Variants in CATSPER4 observed in about 807,000 individuals in gnomAD.
CATSPER4 encodes the protein cation channel sperm-associated protein 4.
Under a neutral mutation model 54.4 loss-of-function variants are expected in CATSPER4, and 46 were observed. The ratio of observed to expected loss-of-function variants is 0.84; its 90% confidence interval spans 0.67 to 1.08. The LOEUF (loss-of-function observed/expected upper bound fraction) is 1.08. Ranked by LOEUF, CATSPER4 falls within the 50% of genes least tolerant of loss-of-function variation. CATSPER4 has a pLI of 0.00. For synonymous variants in CATSPER4, 230 were observed against 231.9 expected (o/e 0.99, Z 0.08); for missense variants, 574 against 612.8 (o/e 0.94, Z 0.67).
At chr1:26,196,328 T>C (rs1341079541) in intron 3 of CATSPER4, among the ~76,000 whole-genome samples, 2 of 151,594 alleles carry the variant, frequency 1.3e-5, no homozygotes, top group Non-Finnish European at 2.9e-5. Context: ...ATTCCATTGA[T>C]TTAATGGAAT....
intron 7 of CATSPER4, among the ~76,000 whole-genome samples, 191 bp from the exon 8 acceptor site, chr1:26,200,639 G>T (rs899254117): frequency 5.9e-5 from 9 of 151,850 alleles, no homozygotes; most frequent in South Asian, 2.1e-4. Flanking sequence ...TTAAAGAGGT[G>T]GGGGGAGGTC....
In CATSPER4 at chr1:26,201,132, A is replaced by C. The variant is rs1280177473; in HGVS notation, c.1199+91A>C. 24 of 1,167,628 alleles carry C rather than the reference A, an allele frequency of 2.1e-5. No homozygotes were observed. In the South Asian group the frequency reaches 3.0e-4, roughly 14 times the overall value. The allele number at this position is 1,167,628 out of a possible 1,614,324, so 72.3% of individuals were successfully genotyped here. ...TTCTGGCCTCACGCCCTCACCATTT[A>C]TAAGGCAGAGCCTGGGCCCCACAGA... is the stretch of plus-strand genomic sequence containing the variant. On this transcript the variant is annotated intron_variant, in intron 8 of 9. Transcript: ENST00000456354.
At position 26,197,770 on chromosome 1, in the gene CATSPER4, AACT is replaced by A. The variant is rs1253487121; in HGVS notation, c.547_549del (p.Tyr183del). On this transcript the variant is annotated inframe_deletion, in exon 4 of 10. Transcript: ENST00000456354. The stretch of plus-strand genomic sequence containing the variant: ...TAATGAAATCAATATTCCCTCCATC[AACT>A]ACACTCTCAGGTGAGCGGGGAGCTC... 2.5e-6 allele frequency: 4 copies of A among 1,613,220 alleles called. No individual in the cohort carries two copies. In the South Asian group the frequency reaches 4.4e-5, roughly 18 times the overall value.
In CATSPER4 at chr1:26,202,666, G is replaced by C. The variant is rs773833007; in HGVS notation, c.*124G>C. On this transcript the variant is annotated 3_prime_UTR_variant, in exon 10 of 10. Coordinates refer to ENST00000456354, the MANE Select transcript of CATSPER4 (RefSeq NM_198137.2). ...TCCTCTCCCTTATACCTGGGCAGAGGCCAGGGGCTGTGAAGGTGGCAGCAC... is the reference window on the plus strand; with the variant it reads ...TCCTCTCCCTTATACCTGGGCAGAGCCCAGGGGCTGTGAAGGTGGCAGCAC... The C allele has an allele frequency of 1.1e-6, 1 of 914,824 alleles. No individual in the cohort carries two copies. The highest frequency in any genetic ancestry group is 2.1e-5 in the Admixed American group (1 of 48,384). The allele number at this position is 914,824 out of a possible 1,614,324, so 56.7% of individuals were successfully genotyped here.
rs746769695 is a variant in CATSPER4 at position 26,201,568 on chromosome 1, T to TCAGCC, written c.1365+60_1365+64dup. Reference sequence around the variant, plus strand: ...ATGGGTACTCGCCCTGACACTCTGCTCAGCCCAGCCCAGCCGGGCCTCTGG... The same window carrying TCAGCC: ...ATGGGTACTCGCCCTGACACTCTGCTCAGCCCAGCCCAGCCCAGCCGGGCCTCTGG... On this transcript the variant is annotated intron_variant, in intron 9 of 9. Transcript: ENST00000456354. 8.4e-5 allele frequency: 134 copies of TCAGCC among 1,598,526 alleles called. 1 individual carries two copies. In the Admixed American group the frequency reaches 2.2e-3, roughly 26 times the overall value.
chr1:26,197,031 C>A (rs1381073052), intron 3 of CATSPER4, among the ~76,000 whole-genome samples: 1 of 152,008 alleles, frequency 6.6e-6, no homozygotes, highest in Non-Finnish European at 1.5e-5. Flanking sequence ...CCTCAGCCTC[C>A]CAAGTAGCTG....
In CATSPER4 at chr1:26,200,116, G is replaced by A. The variant is rs1040255510; in HGVS notation, c.987+58G>A. ...AAGGAGTGTGTATGAGAGCGGACTTGAACATATGTGCATGTATGTGTGTGC... is the reference window on the plus strand; with the variant it reads ...AAGGAGTGTGTATGAGAGCGGACTTAAACATATGTGCATGTATGTGTGTGC... On this transcript the variant is annotated intron_variant, in intron 7 of 9. Coordinates refer to ENST00000456354, the MANE Select transcript of CATSPER4 (RefSeq NM_198137.2). 6 of 1,554,258 alleles carry A rather than the reference G, an allele frequency of 3.9e-6. No homozygotes were observed. In the African/African-American group the frequency reaches 8.2e-5, roughly 21 times the overall value.
chr1:26,200,656 A>G (rs1341298155), intron 7 of CATSPER4, among the ~76,000 whole-genome samples, 174 bp from the exon 8 acceptor site: 1 of 152,030 alleles, frequency 6.6e-6, no homozygotes, highest in African/African-American at 2.4e-5. Flanking sequence ...GGTCATGTGC[A>G]TTTAAAGTTG....
chr1:26,193,920 C>T (rs1186971119), intron 3 of CATSPER4, 32 bp downstream of exon 3: 1 of 1,467,802 alleles, frequency 6.8e-7, no homozygotes, highest in African/African-American at 1.4e-5. Flanking sequence ...CCCTACTTCC[C>T]CCTGGGGACT....
chr1:26,198,215 A>G (rs9970046), intron 5 of CATSPER4, 71 bp from the exon 6 acceptor site: 1,383,983 of 1,613,704 alleles, frequency 0.86, 604,895 homozygotes, highest in Non-Finnish European at 0.9. Flanking sequence ...GCGTTCATTT[A>G]CATGACATTT....
chr1:26,197,748 T>C lies in CATSPER4; in HGVS notation c.522T>C (p.Asn174=), dbSNP rs776491829. The change falls in exon 4 of 10, where the codon AAT becomes AAC. Residue 174 remains asparagine, a synonymous_variant. Transcript: ENST00000456354. Reference sequence around the variant, plus strand: ...TCTTGCTCTTGCGGTTCTTCATTAATGAAATCAATATTCCCTCCATCAACT... The same window carrying C: ...TCTTGCTCTTGCGGTTCTTCATTAACGAAATCAATATTCCCTCCATCAACT... The part of the protein sequence containing the change: ...VFILLLRFFI[N]EINIPSINYT... The C allele has an allele frequency of 6.2e-7, 1 of 1,614,014 alleles. No individual in the cohort carries two copies. Among genetic ancestry groups the C allele is most frequent in the Non-Finnish European group, 8.5e-7 (1 of 1,179,948 alleles).
At chr1:26,198,258 C>A (rs77194452) in intron 5 of CATSPER4, 28 bp from the exon 6 acceptor site, 2 of 1,614,068 alleles carry the variant, frequency 1.2e-6, no homozygotes, top group African/African-American at 2.7e-5. Context: ...TTGGTGAAGT[C>A]GGGGTGGGGC....
chr1:26,196,173 A>T (rs1300116458), intron 3 of CATSPER4, among the ~76,000 whole-genome samples: 3 of 98,616 alleles, frequency 3.0e-5, no homozygotes, highest in African/African-American at 4.3e-5. Context: ...TTTAGAGATG[A>T]GGTCTTGCTA....
At chr1:26,201,653 T>G in intron 9 of CATSPER4, 134 bp downstream of exon 9, 5 of 706,354 alleles carry the variant, frequency 7.1e-6, no homozygotes, top group Non-Finnish European at 9.8e-6. Flanking sequence ...CCACCACCCC[T>G]CCTTTTTTTT....
In CATSPER4 at chr1:26,201,498, T is replaced by C. The variant is rs1243125727; in HGVS notation, c.1344T>C (p.Ser448=). 11 of 1,613,934 alleles carry C rather than the reference T, an allele frequency of 6.8e-6. No individual in the cohort carries two copies. Among genetic ancestry groups the C allele is most frequent in the Non-Finnish European group, 9.3e-6 (11 of 1,179,994 alleles). ...RQMSQQQDLL[S]ALVSMEKVHD... ...TGTCTCAACAGCAAGACTTGCTCAG[T>C]GCGCTCGTTAGCATGGAAAAGGTGT... Residue 448 remains serine (S), a synonymous_variant, in exon 9 of 10, where the codon AGT becomes AGC. Transcript: ENST00000456354.
chr1:26,196,237 C>A (rs1476443950), intron 3 of CATSPER4, among the ~76,000 whole-genome samples: 1 of 149,850 alleles, frequency 6.7e-6, no homozygotes, highest in East Asian at 2.0e-4. Context: ...CTCCCGCCAG[C>A]CTCTCAAAGC....
At chr1:26,191,523 T>C in intron 2 of CATSPER4, 93 bp downstream of exon 2, 1 of 1,415,530 alleles carries the variant, frequency 7.1e-7, no homozygotes, top group Non-Finnish European at 9.8e-7. Flanking sequence ...CTGTCTATGA[T>C]GGTTGGATTG....
chr1:26,198,286 G>GT lies in CATSPER4; in HGVS notation c.685dup (p.Ser229PhefsTer41), dbSNP rs1557631503. The GT allele has an allele frequency of 6.2e-7, 1 of 1,614,196 alleles. No homozygotes were observed. The highest frequency in any genetic ancestry group is 8.5e-7 in the Non-Finnish European group (1 of 1,180,036). ...GGTGGGGCTCTTTTCTCTCTGACAGGTTTTTTCCGTGTTTGGAGTAACACT... is the reference window on the plus strand; with the variant it reads ...GGTGGGGCTCTTTTCTCTCTGACAGGTTTTTTTCCGTGTTTGGAGTAACACT... On this transcript the variant is annotated frameshift_variant and splice_region_variant, in exon 6 of 10. Transcript: ENST00000456354. LOFTEE classifies it high-confidence loss of function.
Position 26,190,657 on chromosome 1 carries a change from G to A in CATSPER4, c.30G>A (p.Gln10=), listed in dbSNP as rs1186268461. ...GGGATAATGAAAAGGCCTGGTGGCAGCAATGGACCTCCCATACAGGCCTCG... is the reference window on the plus strand; with the variant it reads ...GGGATAATGAAAAGGCCTGGTGGCAACAATGGACCTCCCATACAGGCCTCG... MRDNEKAWW[Q]QWTSHTGLEG... The change falls in exon 1 of 10, where the codon CAG becomes CAA. Residue 10 remains glutamine, a synonymous_variant. Transcript: ENST00000456354. 6.2e-7 allele frequency: 1 copy of A among 1,607,334 alleles called. No individual in the cohort carries two copies. Among genetic ancestry groups the A allele is most frequent in the Admixed American group, 1.7e-5 (1 of 59,962 alleles).
Sources: gnomAD v4.1 joint callset for allele counts (sites outside exome capture counted in the v4.1 genomes callset) on GRCh38, gnomAD v4.1.1 for gene constraint, MANE v1.5 for transcripts, NCBI Gene and HGNC (gene_info 2026-07-23, HGNC 2026-07-21) for gene names.